The following ANKFN1 variants were observed in gnomAD, a reference collection of about 807,000 sequenced individuals.
ANKFN1 encodes the protein ankyrin repeat and fibronectin type III domain containing 1, also known as ankyrin repeat and fibronectin type-III domain-containing protein 1.
A neutral mutation model predicts 108.7 loss-of-function variants in ANKFN1; 74 were observed. That is an observed-to-expected ratio of 0.68 (90% CI 0.56 to 0.83). ANKFN1 has a LOEUF of 0.83. Among genes scored for constraint, ANKFN1 ranks in the 40% least tolerant of loss-of-function variants. ANKFN1 has a pLI of 0.00. For synonymous variants in ANKFN1, 547 were observed against 516.2 expected, an observed-to-expected ratio of 1.06 and a Z score of -0.81; for missense variants, 1,505 against 1,382.3, an observed-to-expected ratio of 1.09 and a Z score of -1.41.
chr17:56,480,597 C>A, intron 16 of ANKFN1, 71 bp from the exon 17 acceptor site: 3 of 1,515,834 alleles, frequency 2.0e-6, no homozygotes, highest in Non-Finnish European at 2.7e-6. Context: ...TGGACACATA[C>A]ACTAAGAAAG....
At chr17:56,207,081 C>T (rs750473581) in intron 1 of ANKFN1, 2 of 152,184 alleles carry the variant, frequency 1.3e-5, no homozygotes, top group African/African-American at 2.4e-5. Flanking sequence ...GAGTTTCAAT[C>T]TTGTTCTACT....
At chr17:56,409,972 A>G (rs1398287798) in intron 8 of ANKFN1, among the ~76,000 whole-genome samples, 2 of 152,152 alleles carry the variant, frequency 1.3e-5, no homozygotes, top group Admixed American at 6.5e-5. Context: ...AATATAATAT[A>G]TAATTTTTTT....
chr17:56,120,586 C>T (rs928294630), intron 4 of ANKFN1, among the ~76,000 whole-genome samples: 8 of 152,154 alleles, frequency 5.3e-5, no homozygotes, highest in Non-Finnish European at 1.2e-4. Context: ...GCCGCCTCCT[C>T]TGGACAAAGC....
chr17:56,265,012 A>C (rs936423683), intron 3 of ANKFN1, among the ~76,000 whole-genome samples: 1 of 152,140 alleles, frequency 6.6e-6, no homozygotes, highest in African/African-American at 2.4e-5. Flanking sequence ...ACCCACTCTG[A>C]AAAGTCCCTC....
intron 4 of ANKFN1, among the ~76,000 whole-genome samples, chr17:56,107,620 C>G (rs115368677): frequency 6.6e-6 from 1 of 152,058 alleles, no homozygotes; most frequent in Non-Finnish European, 1.5e-5. Flanking sequence ...CTTATCACAC[C>G]TTTGAGCTAG....
At chr17:56,425,184 T>G (rs1301527630) in intron 8 of ANKFN1, among the ~76,000 whole-genome samples, 1 of 151,974 alleles carries the variant, frequency 6.6e-6, no homozygotes, top group Non-Finnish European at 1.5e-5. Context: ...TGAGAGCTTG[T>G]GATGCTGTGA....
At chr17:56,076,844 T>C (rs1463151233) in intron 4 of ANKFN1, among the ~76,000 whole-genome samples, 1 of 152,144 alleles carries the variant, frequency 6.6e-6, no homozygotes, top group Admixed American at 6.5e-5. Context: ...TGAGTAAACA[T>C]CATCAGGTAG....
rs151001344 is a variant in ANKFN1, at chr17:56,395,276, T to A, written c.910+20562T>A. ...GACTAACAACATTGGGCCAGTCTTA[T>A]CACCCCTACACTTGAAAAGGAGTGG... On this transcript the variant is annotated intron_variant, in intron 8 of 20. Transcript: ENST00000682825. Among the ~76,000 whole-genome samples, 49 of 152,264 alleles carry A rather than the reference T, an allele frequency of 3.2e-4. No homozygotes were observed. In the East Asian group the frequency reaches 8.9e-3, roughly 28 times the overall value.
At chr17:56,193,721 T>C (rs562169419) in intron 1 of ANKFN1, among the ~76,000 whole-genome samples, 104 of 152,318 alleles carry the variant, frequency 6.8e-4, no homozygotes, top group African/African-American at 2.4e-3. Flanking sequence ...GATTTCACAA[T>C]GACTTTTTAA....
chr17:56,314,869 A>G (rs1021049783), intron 3 of ANKFN1, among the ~76,000 whole-genome samples: 1 of 152,192 alleles, frequency 6.6e-6, no homozygotes, highest in Non-Finnish European at 1.5e-5. Flanking sequence ...GACATGAATG[A>G]TTTTACATTA....
chr17:56,175,730 C>G (rs1056966454), intron 1 of ANKFN1, among the ~76,000 whole-genome samples: 1 of 152,168 alleles, frequency 6.6e-6, no homozygotes, highest in Non-Finnish European at 1.5e-5. Context: ...CTTTCCAGCC[C>G]TATGCATTCA....
intron 4 of ANKFN1, among the ~76,000 whole-genome samples, chr17:56,112,908 G>T (rs575419033): frequency 3.7e-4 from 56 of 152,212 alleles, no homozygotes; most frequent in African/African-American, 1.3e-3. Flanking sequence ...TATGCATGTC[G>T]ATATGTGTGC....
At chr17:56,486,835 C>T (rs1208685538) in intron 18 of ANKFN1, among the ~76,000 whole-genome samples, 1 of 152,126 alleles carries the variant, frequency 6.6e-6, no homozygotes, top group Non-Finnish European at 1.5e-5. Flanking sequence ...TAGAATAAAG[C>T]ATTGCACTAT....
intron 4 of ANKFN1, among the ~76,000 whole-genome samples, chr17:56,060,991 T>C (rs1357214117): frequency 6.6e-6 from 1 of 152,190 alleles, no homozygotes; most frequent in Non-Finnish European, 1.5e-5. Flanking sequence ...CTGTTTGGAA[T>C]AGTTTCAGAA....
intron 8 of ANKFN1, among the ~76,000 whole-genome samples, chr17:56,432,900 C>A (rs1325223664): frequency 6.6e-6 from 1 of 152,108 alleles, no homozygotes; most frequent in Non-Finnish European, 1.5e-5. Context: ...ATGATACATC[C>A]ACCTTCCAAA....
chr17:56,199,302 G>A (rs1598222495), intron 1 of ANKFN1, among the ~76,000 whole-genome samples: 1 of 144,874 alleles, frequency 6.9e-6, no homozygotes, highest in African/African-American at 2.5e-5. Context: ...ACTTTTAAAT[G>A]TTTATTTCAT....
At chr17:56,236,556 G>A (rs1917170503) in intron 3 of ANKFN1, among the ~76,000 whole-genome samples, 2 of 152,068 alleles carry the variant, frequency 1.3e-5, no homozygotes, top group African/African-American at 4.8e-5. Context: ...CTGAAACTTT[G>A]CCGAAGTTGT....
At chr17:56,321,989 C>A (rs1290974488) in intron 3 of ANKFN1, among the ~76,000 whole-genome samples, 2 of 152,100 alleles carry the variant, frequency 1.3e-5, no homozygotes, top group Non-Finnish European at 2.9e-5. Flanking sequence ...GGAAATGGCC[C>A]TCAATGTTGC....
At position 56,205,163 on chromosome 17, in the gene ANKFN1, C is replaced by T. The variant is rs181695515; in HGVS notation, c.-70-7435C>T. ...TCCTAAATCAAGATTTCCTTGGCTG[C>T]AGAAGGAGGCTTGCAAATCACTGTG... On this transcript the variant is annotated intron_variant, in intron 1 of 20. Transcript: ENST00000682825. 3.2e-3 allele frequency among the ~76,000 whole-genome samples: 488 copies of T among 152,296 alleles called. 2 individuals carry two copies. The highest frequency in any genetic ancestry group is 0.011 in the African/African-American group (465 of 41,552).
Sources: gnomAD v4.1 joint callset for allele counts (sites outside exome capture counted in the v4.1 genomes callset) on GRCh38, gnomAD v4.1.1 for gene constraint, MANE v1.5 for transcripts, NCBI Gene and HGNC (gene_info 2026-07-23, HGNC 2026-07-21) for gene names.